The following SLC22A9 variants were observed in gnomAD, a reference collection of about 807,000 sequenced individuals.
SLC22A9 encodes the protein organic anion transporter 7.
SLC22A9 carries 64 observed loss-of-function variants against 50.1 expected under a neutral mutation model. The ratio of observed to expected loss-of-function variants is 1.28; its 90% CI spans 1.04 to 1.57. SLC22A9 has a LOEUF of 1.57. SLC22A9 is among the 40% of genes most tolerant of loss of function. SLC22A9 has a pLI of 0.00. For synonymous variants in SLC22A9, 261 were observed against 242.5 expected (o/e 1.08, Z -0.71); for missense variants, 757 against 676.1 (o/e 1.12, Z -1.33).
chr11:63,380,142 A>T (rs866644577), intron 5 of SLC22A9, among the ~76,000 whole-genome samples: 1 of 152,206 alleles, frequency 6.6e-6, no homozygotes. Context: ...ATAAGATACC[A>T]TCTCACACCT....
At chr11:63,402,662 G>GAA (rs11298910) in intron 6 of SLC22A9, among the ~76,000 whole-genome samples, 1 of 141,486 alleles carries the variant, frequency 7.1e-6, no homozygotes, top group Non-Finnish European at 1.6e-5. Context: ...AATGAAAGTT[G>GAA]AAAAAAAAAA....
chr11:63,410,257 A>AAAAAAAAAAAAGAAAGAAAGAAAGAAAG lies in SLC22A9; in HGVS notation c.*398_*399insAAAAAAAAGAAAGAAAGAAAGAAAGAAA. ...CTGTCTCAAAAAAAAAAAAAAAAAA[A>AAAAAAAAAAAAGAAAGAAAGAAAGAAAG]AAAGAAAGAAGGAAAGAAAGAAAGA... On this transcript the variant is annotated 3_prime_UTR_variant, in exon 10 of 10. Coordinates refer to ENST00000279178, the MANE Select transcript of SLC22A9 (RefSeq NM_080866.3). The AAAAAAAAAAAAGAAAGAAAGAAAGAAAG allele has an allele frequency of 9.2e-6, 1 of 108,468 alleles. No homozygotes were observed. Among genetic ancestry groups the AAAAAAAAAAAAGAAAGAAAGAAAGAAAG allele is most frequent in the African/African-American group, 4.4e-5 (1 of 22,620 alleles). 6.7% of individuals were successfully genotyped at this position (108,468 alleles called of 1,614,324 possible). A position where few individuals can be genotyped will look rare whatever the true frequency, so the allele number is the denominator to read the frequency against.
intron 9 of SLC22A9, 44 bp from the exon 10 acceptor site, chr11:63,409,758 T>C (rs1434519049): frequency 5.1e-6 from 8 of 1,577,038 alleles, no homozygotes; most frequent in Non-Finnish European, 6.0e-6. Context: ...TCCATGTCTT[T>C]TCATTTTTGT....
chr11:63,376,421 C>G (rs773512791), intron 5 of SLC22A9, among the ~76,000 whole-genome samples: 1 of 151,972 alleles, frequency 6.6e-6, no homozygotes, highest in Non-Finnish European at 1.5e-5. Flanking sequence ...TGTCATGGAT[C>G]TTTAAGTTAA....
intron 6 of SLC22A9, among the ~76,000 whole-genome samples, chr11:63,403,999 T>C (rs2014995807): frequency 6.6e-6 from 1 of 152,088 alleles, no homozygotes; most frequent in African/African-American, 2.4e-5. Flanking sequence ...TCTCAATTCT[T>C]CAGAAAAGAA....
At chr11:63,377,667 A>T (rs2119885807) in intron 5 of SLC22A9, among the ~76,000 whole-genome samples, 1 of 152,230 alleles carries the variant, frequency 6.6e-6, no homozygotes, top group African/African-American at 2.4e-5. Flanking sequence ...AGAGCAAACA[A>T]AACCCAAAGC....
At position 63,386,434 on chromosome 11, in the gene SLC22A9, C is replaced by CTTT. The variant is rs71065364; in HGVS notation, c.1073+4189_1073+4191dup. On this transcript the variant is annotated intron_variant, in intron 6 of 9. Coordinates refer to ENST00000279178, the MANE Select transcript of SLC22A9 (RefSeq NM_080866.3). ...AGCTATAAATCCACGTGGACCTGGA[C>CTTT]TTTTTTTTTTTTTTTTTTTTTTTTT... Among the ~76,000 whole-genome samples, 46 of 33,504 alleles carry CTTT rather than the reference C, an allele frequency of 1.4e-3. 11 individuals are homozygous for CTTT. Among genetic ancestry groups the CTTT allele is most frequent in the Admixed American group, 2.9e-3 (6 of 2,054 alleles). The allele number at this position is 33,504 out of a possible 152,430, so 22.0% of individuals were successfully genotyped here.
rs755404114 is a variant in SLC22A9 at position 63,397,848 on chromosome 11, C to T, written c.1074-8649C>T. Among the ~76,000 whole-genome samples the T allele has an allele frequency of 2.6e-5, 4 of 152,090 alleles. No homozygotes were observed. In the South Asian group the frequency reaches 6.2e-4, roughly 24 times the overall value. On this transcript the variant is annotated intron_variant, in intron 6 of 9. Coordinates refer to ENST00000279178, the MANE Select transcript of SLC22A9 (RefSeq NM_080866.3). ...AGAGCCCAGGCTTGGATTTATGGACCCCAAGACCCCACTTGGTGTTCTATC... is the reference window on the plus strand; with the variant it reads ...AGAGCCCAGGCTTGGATTTATGGACTCCAAGACCCCACTTGGTGTTCTATC...
chr11:63,386,242 C>T (rs1426273706), intron 6 of SLC22A9, among the ~76,000 whole-genome samples: 5 of 151,988 alleles, frequency 3.3e-5, no homozygotes, highest in Non-Finnish European at 2.9e-5. Context: ...GGATATAGGC[C>T]TGAAGTATTC....
chr11:63,375,080 C>G (rs973486529), intron 4 of SLC22A9, among the ~76,000 whole-genome samples: 2 of 152,130 alleles, frequency 1.3e-5, no homozygotes, highest in Non-Finnish European at 2.9e-5. Flanking sequence ...AACTCCCTGT[C>G]AGGCTCATCC....
rs1467117862 is a variant in SLC22A9, at chr11:63,384,337, C to T, written c.1073+2060C>T. On this transcript the variant is annotated intron_variant, in intron 6 of 9. Transcript: ENST00000279178. ...GTCCCAGTGTGTGTTGTTTCTCTCC[C>T]TGTGTCTATGTGTTCTCATTGTTCA... 2.0e-5 allele frequency among the ~76,000 whole-genome samples: 3 copies of T among 152,248 alleles called. 1 individual carries two copies. Among genetic ancestry groups the T allele is most frequent in the South Asian group, 4.1e-4 (2 of 4,820 alleles).
At chr11:63,386,815 G>T (rs1364968768) in intron 6 of SLC22A9, among the ~76,000 whole-genome samples, 1 of 151,144 alleles carries the variant, frequency 6.6e-6, no homozygotes, top group Non-Finnish European at 1.5e-5. Context: ...TTGTGTTGTT[G>T]TTGTTGATGA....
intron 6 of SLC22A9, among the ~76,000 whole-genome samples, chr11:63,396,382 T>TA (rs1411925309): frequency 3.9e-5 from 6 of 152,180 alleles, no homozygotes; most frequent in African/African-American, 1.4e-4. Context: ...CTGCTTCCTC[T>TA]GCCCCTGTAT....
intron 4 of SLC22A9, 52 bp downstream of exon 4, chr11:63,374,114 A>G: frequency 1.3e-6 from 2 of 1,514,154 alleles, no homozygotes; most frequent in Non-Finnish European, 1.8e-6. Context: ...ATGAGAATGT[A>G]TGTGGAACTA....
chr11:63,408,603 G>A, intron 8 of SLC22A9, 73 bp from the exon 9 acceptor site: 2 of 1,394,710 alleles, frequency 1.4e-6, no homozygotes, highest in Non-Finnish European at 2.0e-6. Flanking sequence ...CATAATTAGA[G>A]CAAAATGATA....
intron 4 of SLC22A9, among the ~76,000 whole-genome samples, chr11:63,374,368 A>C (rs1025101932): frequency 2.6e-5 from 4 of 152,190 alleles, no homozygotes; most frequent in African/African-American, 7.2e-5. Context: ...TTCACCTGAG[A>C]GTTCTTTTAT....
intron 6 of SLC22A9, among the ~76,000 whole-genome samples, chr11:63,388,165 T>G (rs2014701624): frequency 6.6e-6 from 1 of 152,156 alleles, no homozygotes; most frequent in Non-Finnish European, 1.5e-5. Context: ...TTGATTTCTT[T>G]CTCTTCTCTG....
intron 8 of SLC22A9, 26 bp from the exon 9 acceptor site, chr11:63,408,650 T>G: frequency 6.3e-7 from 1 of 1,590,818 alleles, no homozygotes; most frequent in Non-Finnish European, 8.6e-7. Context: ...TAACAGATAT[T>G]CTTGTATTGC....
intron 6 of SLC22A9, among the ~76,000 whole-genome samples, chr11:63,394,639 G>C (rs1022556690): frequency 3.3e-5 from 5 of 152,138 alleles, no homozygotes; most frequent in South Asian, 2.1e-4. Flanking sequence ...TGGTGCTTTT[G>C]TCTCACAGCG....
Sources: gnomAD v4.1 joint callset for allele counts (sites outside exome capture counted in the v4.1 genomes callset) on GRCh38, gnomAD v4.1.1 for gene constraint, MANE v1.5 for transcripts, NCBI Gene and HGNC (gene_info 2026-07-23, HGNC 2026-07-21) for gene names.